Variants in C6orf52 observed in about 807,000 individuals in gnomAD.
C6orf52 encodes the protein putative uncharacterized protein C6orf52.
C6orf52 carries 16 observed loss-of-function variants against 16.6 expected under a neutral mutation model. The ratio of observed to expected loss-of-function variants is 0.96; its 90% CI spans 0.65 to 1.46. C6orf52 has a LOEUF of 1.46. Ranked by LOEUF, C6orf52 falls within the 40% of genes most tolerant of loss-of-function variation. The probability of loss-of-function intolerance (pLI) is 0.00; values close to 1 mark genes in which losing one functional copy is unlikely to be tolerated. For synonymous variants in C6orf52, 53 were observed against 61.4 expected (o/e 0.86, Z 0.64); for missense variants, 166 against 182.3 (o/e 0.91, Z 0.52).
intron 1 of C6orf52, among the ~76,000 whole-genome samples, chr6:10,689,158 C>T (rs1449312061): frequency 2.0e-5 from 3 of 149,290 alleles, no homozygotes; most frequent in Admixed American, 2.0e-4. Flanking sequence ...TTAGTAGAGA[C>T]GGATTTTCAC....
In C6orf52 at chr6:10,677,358, T is replaced by G. The variant is rs142450184; in HGVS notation, c.317-5760A>C. Among the ~76,000 whole-genome samples, 55 of 152,324 alleles carry G rather than the reference T, an allele frequency of 3.6e-4. No individual in the cohort carries two copies. In the East Asian group the frequency reaches 0.01, roughly 28 times the overall value. ...GGATTTATTTCTGGGCTCTCTATTC[T>G]GTTCCATTGGTTTATGTGTCTGTTA... On this transcript the variant is annotated intron_variant, in intron 4 of 4. Coordinates refer to ENST00000259983, the MANE Select transcript of C6orf52 (RefSeq NM_001145020.3).
intron 4 of C6orf52, among the ~76,000 whole-genome samples, chr6:10,677,709 T>C (rs1227159404): frequency 6.6e-6 from 1 of 151,636 alleles, no homozygotes; most frequent in Non-Finnish European, 1.5e-5. Context: ...AATTTTTGTA[T>C]TGTTAGTAGA....
In C6orf52 at chr6:10,678,710, G is replaced by A. The variant is rs112707457; in HGVS notation, c.316+4477C>T. Among the ~76,000 whole-genome samples the A allele has an allele frequency of 7.7e-3, 1,171 of 152,278 alleles. 8 individuals carry two copies. The highest frequency in any genetic ancestry group is 0.012 in the Non-Finnish European group (817 of 68,034). On this transcript the variant is annotated intron_variant, in intron 4 of 4. Transcript: ENST00000259983. ...TGTAATCCCAGTACTTTGGGAGGCC[G>A]TGGCTGGAGAATCACTTGAGCTCAG... is the stretch of plus-strand genomic sequence containing the variant.
chr6:10,694,891 AAG>A (rs1769733872), upstream of C6orf52: 1 of 837,804 alleles, frequency 1.2e-6, no homozygotes, highest in East Asian at 2.4e-5. Flanking sequence ...CCGATGCAGA[AAG>A]GAGTCAGGTG....
chr6:10,689,464 C>T (rs1769112018), intron 1 of C6orf52, among the ~76,000 whole-genome samples: 1 of 152,076 alleles, frequency 6.6e-6, no homozygotes, highest in Admixed American at 6.5e-5. Context: ...TAAGTGCCAC[C>T]CAATATTGGT....
intron 4 of C6orf52, among the ~76,000 whole-genome samples, chr6:10,673,211 G>C (rs1767580557): frequency 6.6e-6 from 1 of 152,218 alleles, no homozygotes; most frequent in Admixed American, 6.5e-5. Flanking sequence ...TGCCCCTGGT[G>C]GGGAAAGAGG....
rs975020566 is a variant in C6orf52, at chr6:10,694,550, A to C, written c.-68T>G. The C allele has an allele frequency of 3.0e-5, 5 of 165,258 alleles. No individual in the cohort carries two copies. The highest frequency in any genetic ancestry group is 1.2e-4 in the South Asian group (1 of 8,270). 10.2% of individuals were successfully genotyped at this position (165,258 alleles called of 1,614,324 possible). A position where few individuals can be genotyped will look rare whatever the true frequency, so the allele number is the denominator to read the frequency against. ...GTCCCTGAACAAAAACTCCTACCCT[A>C]CTAGTACACAGCCCACAACAATGCA... On this transcript the variant is annotated 5_prime_UTR_variant, in exon 1 of 5. Coordinates refer to ENST00000259983, the MANE Select transcript of C6orf52 (RefSeq NM_001145020.3).
intron 1 of C6orf52, among the ~76,000 whole-genome samples, chr6:10,688,729 C>T (rs1231182587): frequency 2.0e-5 from 3 of 152,234 alleles, no homozygotes; most frequent in South Asian, 2.1e-4. Context: ...CTATGTATTA[C>T]TTCATGTGGG....
rs1325217057 is a variant in C6orf52, at chr6:10,683,735, G to C, written c.271-503C>G. On this transcript the variant is annotated intron_variant, in intron 3 of 4. Coordinates refer to ENST00000259983, the MANE Select transcript of C6orf52 (RefSeq NM_001145020.3). ...GATATTAGGTGCTCAAGAAAATGCAGAGGCTACAGCAAAGCAAACCAATCA... is the reference window on the plus strand; with the variant it reads ...GATATTAGGTGCTCAAGAAAATGCACAGGCTACAGCAAAGCAAACCAATCA... 6.6e-5 allele frequency among the ~76,000 whole-genome samples: 10 copies of C among 152,244 alleles called. 1 individual carries two copies. Among genetic ancestry groups the C allele is most frequent in the Non-Finnish European group, 1.5e-4 (10 of 68,036 alleles).
chr6:10,680,520 C>T (rs774840086), intron 4 of C6orf52, among the ~76,000 whole-genome samples: 3 of 152,064 alleles, frequency 2.0e-5, no homozygotes, highest in Non-Finnish European at 2.9e-5. Flanking sequence ...CAGAGTAATG[C>T]TGGCTTCATA....
chr6:10,685,828 CCCA>C lies in C6orf52; in HGVS notation c.270+1135_270+1137del, dbSNP rs1768830743. 2.0e-5 allele frequency among the ~76,000 whole-genome samples: 3 copies of C among 151,928 alleles called. No homozygotes were observed. In the South Asian group the frequency reaches 6.2e-4, roughly 31 times the overall value. On this transcript the variant is annotated intron_variant, in intron 3 of 4. Coordinates refer to ENST00000259983, the MANE Select transcript of C6orf52 (RefSeq NM_001145020.3). ...AGACAAATGTAGAGTAGCAAGAACA[CCCA>C]CCACAATAATGAAAAGTGTAAATTC...
chr6:10,676,362 T>C (rs1262873402), intron 4 of C6orf52, among the ~76,000 whole-genome samples: 1 of 152,198 alleles, frequency 6.6e-6, no homozygotes, highest in East Asian at 1.9e-4. Flanking sequence ...CGGTAAGGTT[T>C]TGCTTTTCAT....
At chr6:10,673,169 G>T (rs1158652066) in intron 4 of C6orf52, among the ~76,000 whole-genome samples, 2 of 152,086 alleles carry the variant, frequency 1.3e-5, no homozygotes, top group Non-Finnish European at 2.9e-5. Context: ...TACCGTTATG[G>T]GCAGTTGTCT....
chr6:10,674,688 C>A (rs1581530968), intron 4 of C6orf52: 1 of 145,978 alleles, frequency 6.9e-6, no homozygotes, highest in African/African-American at 2.6e-5. Flanking sequence ...CAGTAAGAAG[C>A]AAGGAAAGAG....
chr6:10,677,865 T>C (rs1001490726), intron 4 of C6orf52, among the ~76,000 whole-genome samples: 2 of 151,956 alleles, frequency 1.3e-5, no homozygotes, highest in African/African-American at 4.8e-5. Flanking sequence ...TAGAATGCCA[T>C]TGGTATTTTG....
At chr6:10,673,984 A>G (rs541020512) in intron 4 of C6orf52, among the ~76,000 whole-genome samples, 2 of 152,312 alleles carry the variant, frequency 1.3e-5, no homozygotes, top group South Asian at 4.1e-4. Flanking sequence ...TGCTAACAAC[A>G]TATCAGAAAC....
Position 10,687,032 on chromosome 6 carries a change from A to G in C6orf52, c.204T>C (p.Asn68=). The G allele has an allele frequency of 1.3e-6, 2 of 1,551,692 alleles. No homozygotes were observed. Among genetic ancestry groups the G allele is most frequent in the South Asian group, 1.2e-5 (1 of 84,056 alleles). The part of the protein sequence containing the change: ...GYSYGCAVDG[N]GKDCFSAHET... ...CATGCGCAGAAAAACAGTCCTTTCC[A>G]TTTCCATCCACTGCACAGCCATAGC... The change falls in exon 3 of 5, where the codon AAT becomes AAC. Residue 68 remains asparagine, a synonymous_variant. Transcript: ENST00000259983.
rs1203520783 is a variant in C6orf52 at position 10,687,091 on chromosome 6, G to A, written c.145C>T (p.Arg49Ter). Residue 49 changes from arginine to a stop codon, truncating the protein, a stop_gained, in exon 3 of 5, where the codon CGA becomes TGA. Coordinates refer to ENST00000259983, the MANE Select transcript of C6orf52 (RefSeq NM_001145020.3). LOFTEE classifies it high-confidence loss of function. ...QSYRYGNWYA[R>*]QHGSYLLSGY... The stretch of plus-strand genomic sequence containing the variant: ...GAAAGAAGGTAAGAGCCGTGCTGTC[G>A]CGCATACCAGTTGCCATAGCGGTAA... The A allele has an allele frequency of 5.2e-6, 8 of 1,551,704 alleles. No individual in the cohort carries two copies. Among genetic ancestry groups the A allele is most frequent in the African/African-American group, 2.7e-5 (2 of 72,996 alleles).
At chr6:10,675,520 T>C (rs963365380) in intron 4 of C6orf52, among the ~76,000 whole-genome samples, 3 of 152,232 alleles carry the variant, frequency 2.0e-5, no homozygotes, top group Non-Finnish European at 4.4e-5. Flanking sequence ...GACATACTGA[T>C]TTCATTTCCT....
Sources: allele counts gnomAD v4.1 joint callset (sites outside exome capture counted in the v4.1 genomes callset), GRCh38; gene constraint gnomAD v4.1.1; transcripts MANE v1.5; gene names NCBI Gene and HGNC (gene_info 2026-07-23, HGNC 2026-07-21).